The following CUL3 variants were observed in gnomAD, a reference collection of about 807,000 sequenced individuals.
The protein encoded by CUL3 is cullin 3, also known as cullin-3.
Under a neutral mutation model 89.1 loss-of-function variants are expected in CUL3, and 19 were observed. The ratio of observed to expected loss-of-function variants is 0.21; its 90% confidence interval spans 0.15 to 0.31. The LOEUF (loss-of-function observed/expected upper bound fraction) is 0.31. Ranked by LOEUF, CUL3 falls within the 10% of genes least tolerant of loss-of-function variation. The pLI is 1.00. For synonymous variants in CUL3, 351 were observed against 308.4 expected (o/e 1.14, Z -1.45); for missense variants, 469 against 942.3 (o/e 0.50, Z 6.58).
chr2:224,541,411 G>T (rs943106279), intron 2 of CUL3, among the ~76,000 whole-genome samples: 1 of 152,108 alleles, frequency 6.6e-6, no homozygotes, highest in Non-Finnish European at 1.5e-5. Flanking sequence ...CCATCAGAAT[G>T]GCTAAAACAA....
chr2:224,524,845 C>A lies in CUL3; in HGVS notation c.379-10073G>T, dbSNP rs192280887. On this transcript the variant is annotated intron_variant, in intron 3 of 15. Transcript: ENST00000264414. ...AAGTATAAAAACCAAAGGGGAAAAA[C>A]CCCAAGAAGTCAAAATGTTCTAAGA... Among the ~76,000 whole-genome samples, 4 of 152,034 alleles carry A rather than the reference C, an allele frequency of 2.6e-5. 1 individual carries two copies. In the East Asian group the frequency reaches 7.7e-4, roughly 29 times the overall value.
intron 3 of CUL3, among the ~76,000 whole-genome samples, chr2:224,525,508 C>T (rs914345859): frequency 2.0e-5 from 3 of 151,996 alleles, no homozygotes; most frequent in African/African-American, 7.2e-5. Flanking sequence ...TAAATGATAT[C>T]TGTTGTTATG....
At chr2:224,562,260 A>C (rs11892841) in intron 1 of CUL3, among the ~76,000 whole-genome samples, 28,872 of 151,864 alleles carry the variant, frequency 0.19, 3,062 homozygotes, top group South Asian at 0.27. Context: ...TTTTTAAATT[A>C]ATGCCTTATT....
chr2:224,531,212 G>A (rs905318269), intron 3 of CUL3, among the ~76,000 whole-genome samples: 8 of 150,492 alleles, frequency 5.3e-5, no homozygotes, highest in East Asian at 2.0e-4. Flanking sequence ...CTCAGCCTCC[G>A]AGTAGCTGGC....
intron 2 of CUL3, among the ~76,000 whole-genome samples, chr2:224,536,228 A>G (rs1693894303): frequency 6.6e-6 from 1 of 152,194 alleles, no homozygotes; most frequent in African/African-American, 2.4e-5. Flanking sequence ...ACTCTATAAT[A>G]AACTACTCAG....
chr2:224,500,463 T>C lies in CUL3; in HGVS notation c.1510A>G (p.Thr504Ala). 1 of 1,613,898 alleles carries C rather than the reference T, an allele frequency of 6.2e-7. No homozygotes were observed. Among genetic ancestry groups the C allele is most frequent in the Non-Finnish European group, 8.5e-7 (1 of 1,179,918 alleles). The change falls in exon 11 of 16, where the codon ACA (threonine) becomes GCA (alanine). Residue 504 changes from threonine (T) to alanine (A), a missense_variant. Coordinates refer to ENST00000264414, the MANE Select transcript of CUL3 (RefSeq NM_003590.5). ...TATCCTGTCGTGAGCACCCGGACTG[T>C]AAGATCAACACCACCTAAAGATACC... ...TGVSLGGVDLTVRVLTTGYWP... is the reference protein window; with the variant it reads ...TGVSLGGVDLAVRVLTTGYWP...
At chr2:224,542,529 G>A (rs1246622506) in intron 2 of CUL3, among the ~76,000 whole-genome samples, 1 of 151,280 alleles carries the variant, frequency 6.6e-6, no homozygotes, top group Admixed American at 6.6e-5. Flanking sequence ...GTGTGTGTGT[G>A]CCAGCACTTC....
At chr2:224,528,645 C>T (rs975780392) in intron 3 of CUL3, among the ~76,000 whole-genome samples, 1 of 152,038 alleles carries the variant, frequency 6.6e-6, no homozygotes, top group Non-Finnish European at 1.5e-5. Flanking sequence ...ACTAGAATAC[C>T]AAAAGAGAGT....
intron 1 of CUL3, among the ~76,000 whole-genome samples, chr2:224,566,527 C>T (rs1331714245): frequency 1.3e-5 from 2 of 152,216 alleles, no homozygotes; most frequent in Admixed American, 1.3e-4. Flanking sequence ...CTTTTGTCTA[C>T]ATCAAAAACC....
chr2:224,528,118 A>G (rs1265909480), intron 3 of CUL3, among the ~76,000 whole-genome samples: 1 of 152,192 alleles, frequency 6.6e-6, no homozygotes, highest in East Asian at 1.9e-4. Flanking sequence ...TGCTGTAAAA[A>G]TTACCACAAA....
At chr2:224,479,915 A>AG (rs1691470375) in intron 14 of CUL3, 2 of 152,218 alleles carry the variant, frequency 1.3e-5, no homozygotes, top group African/African-American at 4.8e-5. Context: ...AAATACCTGC[A>AG]GAAAAACATG....
At chr2:224,478,089 T>C (rs1301511433) in intron 15 of CUL3, 111 bp downstream of exon 15, 1 of 1,105,654 alleles carries the variant, frequency 9.0e-7, no homozygotes, top group African/African-American at 1.6e-5. Context: ...AAGTGTTACA[T>C]CACTAGGATT....
At chr2:224,512,063 GA>G (rs1692845907) in intron 5 of CUL3, among the ~76,000 whole-genome samples, 1 of 151,828 alleles carries the variant, frequency 6.6e-6, no homozygotes, top group African/African-American at 2.4e-5. Context: ...ACTAAAGTTT[GA>G]AAATAAGAGC....
chr2:224,543,469 C>T (rs1287549842), intron 2 of CUL3, among the ~76,000 whole-genome samples: 1 of 152,128 alleles, frequency 6.6e-6, no homozygotes, highest in African/African-American at 2.4e-5. Context: ...TTAACATTCA[C>T]CCAGAAGCTA....
intron 13 of CUL3, among the ~76,000 whole-genome samples, chr2:224,490,415 C>T (rs1421833372): frequency 2.6e-5 from 4 of 152,094 alleles, no homozygotes; most frequent in Non-Finnish European, 4.4e-5. Flanking sequence ...TTGGAGATGA[C>T]TCACACTCCT....
chr2:224,544,572 T>C (rs1694233745), intron 2 of CUL3, among the ~76,000 whole-genome samples: 1 of 151,948 alleles, frequency 6.6e-6, no homozygotes, highest in Non-Finnish European at 1.5e-5. Flanking sequence ...TAAAACATAC[T>C]TTTTTCAGTC....
chr2:224,558,452 A>C (rs1049142665), intron 1 of CUL3, among the ~76,000 whole-genome samples: 2 of 152,176 alleles, frequency 1.3e-5, no homozygotes, highest in Admixed American at 6.5e-5. Context: ...AAATAAAAAC[A>C]ACCCGATGAG....
chr2:224,528,727 T>C (rs541973985), intron 3 of CUL3, among the ~76,000 whole-genome samples: 5 of 152,228 alleles, frequency 3.3e-5, no homozygotes, highest in African/African-American at 1.2e-4. Flanking sequence ...CCTTGATGAC[T>C]TTCCAAATAG....
At chr2:224,481,806 T>G in intron 14 of CUL3, 86 bp downstream of exon 14, 1 of 974,076 alleles carries the variant, frequency 1.0e-6, no homozygotes, top group Non-Finnish European at 1.4e-6. Flanking sequence ...AAAGGAGTAT[T>G]TTTAAAAGAA....
Sources: allele counts gnomAD v4.1 joint callset (sites outside exome capture counted in the v4.1 genomes callset), GRCh38; gene constraint gnomAD v4.1.1; transcripts MANE v1.5; gene names NCBI Gene and HGNC (gene_info 2026-07-23, HGNC 2026-07-21).